The following SMURF1 variants were observed in gnomAD, a reference collection of about 807,000 sequenced individuals.
The protein encoded by SMURF1 is E3 ubiquitin-protein ligase SMURF1.
In SMURF1, 44 loss-of-function variants were observed where a neutral mutation model predicts 98.0. That is an observed-to-expected ratio of 0.45 (90% CI 0.35 to 0.58). The LOEUF (loss-of-function observed/expected upper bound fraction) is 0.58. Ranked by LOEUF, SMURF1 falls within the 20% of genes least tolerant of loss-of-function variation. SMURF1 has a pLI of 0.00. For missense variants in SMURF1, 687 were observed against 938.4 expected, an observed-to-expected ratio of 0.73 and a Z score of 3.50; for synonymous variants, 396 against 374.9, an observed-to-expected ratio of 1.06 and a Z score of -0.65.
chr7:99,136,577 TTAATAA>T (rs1322530775), intron 1 of SMURF1, among the ~76,000 whole-genome samples: 1 of 152,254 alleles, frequency 6.6e-6, no homozygotes, highest in Admixed American at 6.5e-5. Context: ...TCTCTAGTTA[TTAATAA>T]TAACTATTTT....
intron 1 of SMURF1, among the ~76,000 whole-genome samples, chr7:99,100,224 A>G (rs1026514870): frequency 9.2e-5 from 14 of 152,248 alleles, no homozygotes; most frequent in African/African-American, 3.4e-4. Flanking sequence ...ACCTAGTAAG[A>G]AAGTAAGAAC....
chr7:99,062,502 T>A (rs978637574), intron 1 of SMURF1, among the ~76,000 whole-genome samples: 12 of 151,880 alleles, frequency 7.9e-5, no homozygotes, highest in Non-Finnish European at 1.5e-4. Context: ...TAAAAAAAAA[T>A]ATGGGGCCAT....
intron 10 of SMURF1, among the ~76,000 whole-genome samples, chr7:99,046,517 C>T (rs1044629190): frequency 6.6e-6 from 1 of 151,972 alleles, no homozygotes; most frequent in Admixed American, 6.6e-5. Context: ...CACTTGAGGT[C>T]AGAAGTTCAA....
intron 3 of SMURF1, among the ~76,000 whole-genome samples, chr7:99,058,339 A>C (rs1459020837): frequency 6.6e-6 from 1 of 152,024 alleles, no homozygotes; most frequent in East Asian, 1.9e-4. Flanking sequence ...CATGTTGGCC[A>C]GGCTGGTCTC....
chr7:99,037,248 T>A, intron 14 of SMURF1, 61 bp from the exon 15 acceptor site: 1 of 1,608,864 alleles, frequency 6.2e-7, no homozygotes, highest in Non-Finnish European at 8.5e-7. Flanking sequence ...ATGGGCAGGT[T>A]TTTTTTGGAG....
rs760968216 is a variant in SMURF1, at chr7:99,038,486, G to A, written c.1590C>T (p.Cys530=). ...TCCGCCCGAAGGCGTTGTGTTCCAC[G>A]CAGAAGGTGTGGTCCAGTACAGGCG... ...DITPVLDHTF[C]VEHNAFGRIL... The change falls in exon 14 of 18, where the codon TGC becomes TGT. Residue 530 remains cysteine, a synonymous_variant. Transcript: ENST00000361368. 1.7e-5 allele frequency: 28 copies of A among 1,614,098 alleles called. No homozygotes were observed. The highest frequency in any genetic ancestry group is 4.0e-5 in the African/African-American group (3 of 74,940).
rs946748005 is a variant in SMURF1 at position 99,028,460 on chromosome 7, G to A, written c.*2124C>T. The A allele has an allele frequency of 6.6e-6, 1 of 152,224 alleles. No homozygotes were observed. Among genetic ancestry groups the A allele is most frequent in the Non-Finnish European group, 1.5e-5 (1 of 68,094 alleles). 9.4% of individuals were successfully genotyped at this position (152,224 alleles called of 1,614,324 possible). A position where few individuals can be genotyped will look rare whatever the true frequency, so the allele number is the denominator to read the frequency against. On this transcript the variant is annotated 3_prime_UTR_variant, in exon 18 of 18. Coordinates refer to ENST00000361368, the MANE Select transcript of SMURF1 (RefSeq NM_181349.3). ...GATGGGAACGCGTGTGTCCACCGGG[G>A]TCACCTGTGGAGGACCCGGGACCCA...
intron 1 of SMURF1, among the ~76,000 whole-genome samples, chr7:99,115,703 T>C (rs1797424528): frequency 6.6e-6 from 1 of 152,082 alleles, no homozygotes; most frequent in African/African-American, 2.4e-5. Context: ...GAAATATGCA[T>C]ACTACAAAAA....
intron 1 of SMURF1, among the ~76,000 whole-genome samples, chr7:99,110,325 C>A (rs1332724996): frequency 6.6e-6 from 1 of 152,122 alleles, no homozygotes; most frequent in African/African-American, 2.4e-5. Flanking sequence ...ATAACAAGTT[C>A]TTGGATAAAA....
At chr7:99,132,928 T>TA (rs376271057) in intron 1 of SMURF1, among the ~76,000 whole-genome samples, 412 of 152,224 alleles carry the variant, frequency 2.7e-3, no homozygotes, top group African/African-American at 8.8e-3. Flanking sequence ...TTTATGCTCT[T>TA]AAAAGATTTG....
intron 5 of SMURF1, among the ~76,000 whole-genome samples, chr7:99,056,827 A>G (rs1795886339): frequency 6.6e-6 from 1 of 151,976 alleles, no homozygotes; most frequent in African/African-American, 2.4e-5. Flanking sequence ...ACATGGTGAA[A>G]CTCCGCCTCT....
Position 99,030,521 on chromosome 7 carries a change from A to T in SMURF1, c.*63T>A. The T allele has an allele frequency of 2.2e-6, 3 of 1,383,276 alleles. No individual in the cohort carries two copies. The highest frequency in any genetic ancestry group is 3.1e-6 in the Non-Finnish European group (3 of 973,632). 85.7% of individuals were successfully genotyped at this position (1,383,276 alleles called of 1,614,324 possible). A position where few individuals can be genotyped will look rare whatever the true frequency, so the allele number is the denominator to read the frequency against. On this transcript the variant is annotated 3_prime_UTR_variant, in exon 18 of 18. Transcript: ENST00000361368. ...CCTCTGCCAGCTTTGCAGGAGGTGC[A>T]CAGAAGCTGGATGCTTTTGGTCTGG...
intron 1 of SMURF1, among the ~76,000 whole-genome samples, chr7:99,128,124 T>C (rs1357235821): frequency 1.3e-5 from 2 of 152,316 alleles, no homozygotes; most frequent in Non-Finnish European, 2.9e-5. Context: ...CATTAAGATA[T>C]GGAATGTACC....
chr7:99,087,218 A>AT lies in SMURF1; in HGVS notation c.56-25382dup, dbSNP rs58756331. 4.6e-3 allele frequency among the ~76,000 whole-genome samples: 690 copies of AT among 151,454 alleles called. 7 individuals are homozygous for AT. The highest frequency in any genetic ancestry group is 0.015 in the African/African-American group (620 of 41,244). ...GACCCCATCTCTACAAAAAAAAAAAATTTTAATTTTAAAAAAATTAGCCAG... is the reference window on the plus strand; with the variant it reads ...GACCCCATCTCTACAAAAAAAAAAAATTTTTAATTTTAAAAAAATTAGCCAG... On this transcript the variant is annotated intron_variant, in intron 1 of 17. Transcript: ENST00000361368.
intron 5 of SMURF1, among the ~76,000 whole-genome samples, chr7:99,055,455 G>A (rs1584464030): frequency 6.6e-6 from 1 of 151,476 alleles, no homozygotes; most frequent in Admixed American, 6.6e-5. Context: ...GTGACAGAGT[G>A]AGACTCTGTC....
chr7:99,117,018 A>T (rs934581839), intron 1 of SMURF1, among the ~76,000 whole-genome samples: 8 of 152,154 alleles, frequency 5.3e-5, no homozygotes, highest in Middle Eastern at 3.2e-3. Flanking sequence ...ACAGGATACA[A>T]TTGAGAGTCC....
chr7:99,043,440 A>G (rs142373627), intron 11 of SMURF1, among the ~76,000 whole-genome samples: 49 of 152,290 alleles, frequency 3.2e-4, no homozygotes, highest in Non-Finnish European at 6.5e-4. Context: ...TGGAGGTGGC[A>G]GAGCAGAGAT....
chr7:99,122,599 G>A (rs932619823), intron 1 of SMURF1, among the ~76,000 whole-genome samples: 15 of 147,738 alleles, frequency 1.0e-4, no homozygotes, highest in African/African-American at 3.5e-4. Context: ...AGTCAAGATG[G>A]CACCATTGCA....
At chr7:99,133,736 A>G (rs1254768996) in intron 1 of SMURF1, among the ~76,000 whole-genome samples, 4 of 152,242 alleles carry the variant, frequency 2.6e-5, no homozygotes, top group African/African-American at 9.6e-5. Flanking sequence ...CTAGTCTTAA[A>G]AGCCAAAACT....
Sources: gnomAD v4.1 joint callset for allele counts (sites outside exome capture counted in the v4.1 genomes callset) on GRCh38, gnomAD v4.1.1 for gene constraint, MANE v1.5 for transcripts, NCBI Gene and HGNC (gene_info 2026-07-23, HGNC 2026-07-21) for gene names.